Variants in SLC35A3 observed in about 807,000 individuals in gnomAD.
The protein encoded by SLC35A3 is UDP-N-acetylglucosamine transporter.
In SLC35A3, 26 loss-of-function variants were observed where a neutral mutation model predicts 39.0. The ratio of observed to expected loss-of-function variants is 0.67; its 90% confidence interval spans 0.49 to 0.92. The LOEUF (loss-of-function observed/expected upper bound fraction) is 0.92. Ranked by LOEUF, SLC35A3 falls within the 40% of genes least tolerant of loss-of-function variation. The probability of loss-of-function intolerance (pLI) is 0.00; values close to 1 mark genes in which losing one functional copy is unlikely to be tolerated. For synonymous variants in SLC35A3, 135 were observed against 133.1 expected (o/e 1.01, Z -0.10); for missense variants, 299 against 371.6 (o/e 0.80, Z 1.61).
At chr1:99,999,480 A>G in intron 3 of SLC35A3, 65 bp downstream of exon 3, 1 of 1,042,668 alleles carries the variant, frequency 9.6e-7, no homozygotes, top group South Asian at 1.6e-5. Flanking sequence ...AATTGTATAT[A>G]TTTATGGGGT....
At position 100,027,873 on chromosome 1, in the gene SLC35A3, A is replaced by G. The variant is rs1661000442; in HGVS notation, c.*5397A>G. ...ACAGTGCTTCTTTTGTTGGAAATAT[A>G]TCACAATCCTCAAGTTCCACTGCTA... On this transcript the variant is annotated 3_prime_UTR_variant, in exon 8 of 8. Coordinates refer to ENST00000533028, the MANE Select transcript of SLC35A3 (RefSeq NM_012243.3). The G allele has an allele frequency of 6.6e-6, 1 of 151,540 alleles. No individual in the cohort carries two copies. The highest frequency in any genetic ancestry group is 2.4e-5 in the African/African-American group (1 of 41,230). The allele number at this position is 151,540 out of a possible 1,614,324, so 9.4% of individuals were successfully genotyped here.
At position 100,030,021 on chromosome 1, in the gene SLC35A3, A is replaced by T. The variant is rs558331424; in HGVS notation, c.*7545A>T. 3.9e-5 allele frequency: 6 copies of T among 152,274 alleles called. No individual in the cohort carries two copies. The highest frequency in any genetic ancestry group is 3.9e-4 in the East Asian group (2 of 5,186). The allele number at this position is 152,274 out of a possible 1,614,324, so 9.4% of individuals were successfully genotyped here. A position where few individuals can be genotyped will look rare whatever the true frequency, so the allele number is the denominator to read the frequency against. ...AATAAACAATTTTGAACTAATTTTA[A>T]ATTAGGCATTCCTATCACCATTATA... is the stretch of plus-strand genomic sequence containing the variant. On this transcript the variant is annotated 3_prime_UTR_variant, in exon 8 of 8. Transcript: ENST00000533028.
At chr1:100,018,277 C>T (rs996745940) in intron 7 of SLC35A3, among the ~76,000 whole-genome samples, 4 of 152,116 alleles carry the variant, frequency 2.6e-5, no homozygotes, top group African/African-American at 7.2e-5. Context: ...AGACCCAGGA[C>T]TCTGTAGTTT....
At chr1:99,970,471 T>C in intron 1 of SLC35A3, 1 of 1,144,540 alleles carries the variant, frequency 8.7e-7, no homozygotes, top group Non-Finnish European at 1.3e-6. Flanking sequence ...CCTCAGCGCC[T>C]GGTGCGTGCG....
chr1:99,989,681 C>T (rs1175475583), intron 1 of SLC35A3, among the ~76,000 whole-genome samples: 3 of 152,182 alleles, frequency 2.0e-5, no homozygotes, highest in African/African-American at 7.2e-5. Context: ...TTGTCAGATA[C>T]ATGTATTGAG....
chr1:100,021,292 A>T (rs371779903), intron 7 of SLC35A3, among the ~76,000 whole-genome samples: 4 of 150,966 alleles, frequency 2.6e-5, no homozygotes, highest in Non-Finnish European at 5.9e-5. Context: ...TGAACCTGGG[A>T]GGCGGAGGTT....
chr1:100,017,856 T>C, intron 7 of SLC35A3, 41 bp downstream of exon 7: 1 of 1,310,578 alleles, frequency 7.6e-7, no homozygotes, highest in Middle Eastern at 2.6e-4. Flanking sequence ...CCCAGAAGTA[T>C]ATAGAAAAAT....
Position 99,999,304 on chromosome 1 carries a change from T to C in SLC35A3, c.231T>C (p.Ile77=). The C allele has an allele frequency of 8.2e-6, 13 of 1,589,658 alleles. No individual in the cohort carries two copies. The highest frequency in any genetic ancestry group is 1.1e-5 in the Non-Finnish European group (13 of 1,169,044). Residue 77 remains isoleucine, a synonymous_variant, in exon 3 of 8, where the codon ATT becomes ATC. Transcript: ENST00000533028. ...RALNRVLHDE[I]LNKPMETLKL... The stretch of plus-strand genomic sequence containing the variant: ...TGAATCGAGTACTACATGATGAAAT[T>C]CTTAATAAACCTATGGAAACACTTA...
chr1:99,970,577 A>G lies in SLC35A3; in HGVS notation c.-19+415A>G, dbSNP rs11166383. The G allele has an allele frequency of 0.043, 65,790 of 1,535,706 alleles. 1,525 individuals carry two copies. The highest frequency in any genetic ancestry group is 0.05 in the African/African-American group (3,633 of 73,078). On this transcript the variant is annotated intron_variant, in intron 1 of 7. Transcript: ENST00000533028. ...GTGTTGAGCCCTGTGGTAGGCACAGATGCACCCGACCAGCACCTGGAGCTC... is the reference window on the plus strand; with the variant it reads ...GTGTTGAGCCCTGTGGTAGGCACAGGTGCACCCGACCAGCACCTGGAGCTC...
At chr1:100,021,469 T>A (rs1240787515) in intron 7 of SLC35A3, among the ~76,000 whole-genome samples, 16 of 152,016 alleles carry the variant, frequency 1.1e-4, no homozygotes, top group Admixed American at 1.0e-3. Flanking sequence ...GCCCAGGAGT[T>A]CAAGATCAGC....
In SLC35A3 at chr1:100,017,752, C is replaced by A; in HGVS notation, c.824C>A (p.Ser275Tyr). ...AATATTTTAAAAGGATTTGCAACCT[C>A]TTTATCGATAATATTATCAACATTG... ...ADNILKGFAT[S>Y]LSIILSTLIS... The change falls in exon 7 of 8, where the codon TCT becomes TAT. Residue 275 changes from serine to tyrosine, a missense_variant. Ser to Tyr is a moderately radical substitution (Grantham distance 144, BLOSUM62 -2). Transcript: ENST00000533028. 1 of 1,576,106 alleles carries A rather than the reference C, an allele frequency of 6.3e-7. No individual in the cohort carries two copies. Among genetic ancestry groups the A allele is most frequent in the East Asian group, 2.3e-5 (1 of 43,444 alleles).
chr1:99,981,563 T>A (rs1657448879), intron 1 of SLC35A3, among the ~76,000 whole-genome samples: 1 of 152,046 alleles, frequency 6.6e-6, no homozygotes, highest in South Asian at 2.1e-4. Context: ...CACTGCAACC[T>A]CCTCCTCCCA....
rs1660967003 is a variant in SLC35A3 at position 100,027,343 on chromosome 1, T to A, written c.*4867T>A. 1.8e-5 allele frequency: 7 copies of A among 392,074 alleles called. No individual in the cohort carries two copies. In the East Asian group the frequency reaches 2.5e-4, roughly 14 times the overall value. 24.3% of individuals were successfully genotyped at this position (392,074 alleles called of 1,614,324 possible). On this transcript the variant is annotated 3_prime_UTR_variant, in exon 8 of 8. Coordinates refer to ENST00000533028, the MANE Select transcript of SLC35A3 (RefSeq NM_012243.3). The stretch of plus-strand genomic sequence containing the variant: ...GGCATGCACCTGTGGGGCCAGCTAC[T>A]CAGGAGGCTGAGGCAGAAGGATTGC...
chr1:99,998,562 C>T (rs879518718), intron 2 of SLC35A3, among the ~76,000 whole-genome samples: 63 of 152,302 alleles, frequency 4.1e-4, no homozygotes, highest in Non-Finnish European at 7.6e-4. Context: ...CCTTTCACAG[C>T]TAGACACTTT....
At chr1:100,000,452 T>G (rs1471355846) in intron 3 of SLC35A3, among the ~76,000 whole-genome samples, 2 of 152,124 alleles carry the variant, frequency 1.3e-5, no homozygotes, top group Non-Finnish European at 2.9e-5. Flanking sequence ...CTGGAGTTCT[T>G]TATATATTAT....
At chr1:99,991,970 A>G (rs1213164828) in intron 1 of SLC35A3, among the ~76,000 whole-genome samples, 25 of 152,082 alleles carry the variant, frequency 1.6e-4, no homozygotes. Context: ...GCTGGTCTCA[A>G]TCTCTTGACC....
chr1:100,002,429 G>T (rs1200163841), intron 3 of SLC35A3, among the ~76,000 whole-genome samples: 2 of 152,056 alleles, frequency 1.3e-5, no homozygotes, highest in African/African-American at 2.4e-5. Flanking sequence ...GTGTAATTCT[G>T]TGGTGTCATC....
chr1:99,984,936 G>GT (rs1657663492), intron 1 of SLC35A3, among the ~76,000 whole-genome samples: 1 of 151,932 alleles, frequency 6.6e-6, no homozygotes, highest in African/African-American at 2.4e-5. Flanking sequence ...GGGATTCTTT[G>GT]TTTTTTTCTT....
At chr1:100,003,610 T>G (rs528897658) in intron 3 of SLC35A3, among the ~76,000 whole-genome samples, 39 of 152,238 alleles carry the variant, frequency 2.6e-4, no homozygotes, top group African/African-American at 9.4e-4. Context: ...ATGAAGTGTT[T>G]TGTGAATGTC....
Sources: allele counts gnomAD v4.1 joint callset (sites outside exome capture counted in the v4.1 genomes callset), GRCh38; gene constraint gnomAD v4.1.1; transcripts MANE v1.5; gene names NCBI Gene and HGNC (gene_info 2026-07-23, HGNC 2026-07-21).